TTC7B: variants seen among roughly 807,000 people sequenced by gnomAD.
The protein encoded by TTC7B is tetratricopeptide repeat protein 7B.
Under a neutral mutation model 106.8 loss-of-function variants are expected in TTC7B, and 28 were observed. That is an observed-to-expected ratio of 0.26 (90% CI 0.19 to 0.36). TTC7B has a LOEUF of 0.36. Among genes scored for constraint, TTC7B ranks in the 10% least tolerant of loss-of-function variants. The pLI, the probability that TTC7B is intolerant of heterozygous loss-of-function variation, is 1.00. For missense variants in TTC7B, 862 were observed against 1,076.4 expected, an observed-to-expected ratio of 0.80 and a Z score of 2.79; for synonymous variants, 405 against 430.6, an observed-to-expected ratio of 0.94 and a Z score of 0.74.
intron 5 of TTC7B, among the ~76,000 whole-genome samples, chr14:90,725,522 A>T (rs1039110561): frequency 6.6e-6 from 1 of 152,244 alleles, no homozygotes; most frequent in African/African-American, 2.4e-5. Context: ...AAGTAGATGC[A>T]TAGTGGTGAT....
At chr14:90,801,091 G>GT (rs34545068) in intron 1 of TTC7B, among the ~76,000 whole-genome samples, 97,406 of 151,266 alleles carry the variant, frequency 0.64, 32,241 homozygotes, top group Middle Eastern at 0.75. Flanking sequence ...TAGGCTTTGT[G>GT]GTGGACGCCT....
intron 15 of TTC7B, among the ~76,000 whole-genome samples, chr14:90,636,251 T>C (rs1170678805): frequency 3.9e-5 from 6 of 152,022 alleles, no homozygotes; most frequent in Admixed American, 2.0e-4. Flanking sequence ...TACACATATA[T>C]ATGTATGTGG....
At chr14:90,572,169 T>C (rs1891060836) in intron 19 of TTC7B, among the ~76,000 whole-genome samples, 1 of 152,204 alleles carries the variant, frequency 6.6e-6, no homozygotes, top group South Asian at 2.1e-4. Flanking sequence ...CTCTCTGCCA[T>C]ACTTCCAGCT....
chr14:90,793,078 C>T (rs1349614306), intron 1 of TTC7B, among the ~76,000 whole-genome samples: 1 of 152,100 alleles, frequency 6.6e-6, no homozygotes, highest in Non-Finnish European at 1.5e-5. Context: ...CTCACGAGAC[C>T]TGATGGTTTT....
chr14:90,784,848 G>T (rs770153677), intron 2 of TTC7B, among the ~76,000 whole-genome samples: 2 of 152,306 alleles, frequency 1.3e-5, no homozygotes, highest in Non-Finnish European at 2.9e-5. Context: ...CCTCCTAGCG[G>T]CCTGGAGCTG....
intron 13 of TTC7B, chr14:90,648,443 C>A (rs747144643): frequency 7.2e-5 from 11 of 152,532 alleles, no homozygotes; most frequent in South Asian, 3.9e-4. Flanking sequence ...CTCAACCTCC[C>A]AGGGCCCAAG....
intron 3 of TTC7B, among the ~76,000 whole-genome samples, chr14:90,755,039 C>A (rs1318990878): frequency 5.3e-5 from 8 of 152,008 alleles, no homozygotes; most frequent in Non-Finnish European, 1.0e-4. Context: ...AACTCAAAAC[C>A]TTCCTTCCTT....
At chr14:90,633,977 T>A (rs1884815862) in intron 15 of TTC7B, among the ~76,000 whole-genome samples, 1 of 151,862 alleles carries the variant, frequency 6.6e-6, no homozygotes, top group African/African-American at 2.4e-5. Flanking sequence ...CAGGTTCAAG[T>A]GATTCTCCTG....
intron 18 of TTC7B, among the ~76,000 whole-genome samples, chr14:90,589,626 A>G (rs915374306): frequency 2.0e-5 from 3 of 152,220 alleles, no homozygotes; most frequent in Admixed American, 1.3e-4. Flanking sequence ...TAGACTGTGT[A>G]TAGGGATACT....
rs140346034 is a variant in TTC7B at position 90,529,211 on chromosome 14, T to A, written c.*12157A>T. The A allele has an allele frequency of 1.5e-4, 23 of 153,342 alleles. No individual in the cohort carries two copies. The highest frequency in any genetic ancestry group is 1.4e-3 in the Admixed American group (21 of 15,298). 9.5% of individuals were successfully genotyped at this position (153,342 alleles called of 1,614,324 possible). ...ACTGCGCTTTGTTACCTCTTTCCGA[T>A]AGCGGGATCTGACTGCATTTTGCAT... On this transcript the variant is annotated 3_prime_UTR_variant, in exon 20 of 20. Coordinates refer to ENST00000328459, the MANE Select transcript of TTC7B (RefSeq NM_001010854.2).
rs764006514 is a variant in TTC7B at position 90,532,946 on chromosome 14, G to A, written c.*8422C>T. On this transcript the variant is annotated 3_prime_UTR_variant, in exon 20 of 20. Coordinates refer to ENST00000328459, the MANE Select transcript of TTC7B (RefSeq NM_001010854.2). ...TGACCTCCTGCCATGCCCGGGGGAG[G>A]AGCCATGCAGGGGTAGGGCTGGGCT... 4 of 152,280 alleles carry A rather than the reference G, an allele frequency of 2.6e-5. No homozygotes were observed. Among genetic ancestry groups the A allele is most frequent in the Non-Finnish European group, 5.9e-5 (4 of 68,116 alleles). The allele number at this position is 152,280 out of a possible 1,614,324, so 9.4% of individuals were successfully genotyped here. A position where few individuals can be genotyped will look rare whatever the true frequency, so the allele number is the denominator to read the frequency against.
At chr14:90,748,235 G>A (rs531458954) in intron 3 of TTC7B, among the ~76,000 whole-genome samples, 1 of 151,848 alleles carries the variant, frequency 6.6e-6, no homozygotes, top group East Asian at 1.9e-4. Context: ...ATCTATTTGA[G>A]TATTTTTACA....
chr14:90,781,130 G>T (rs188199398), intron 2 of TTC7B, among the ~76,000 whole-genome samples: 2 of 152,298 alleles, frequency 1.3e-5, no homozygotes, highest in Non-Finnish European at 2.9e-5. Context: ...CTCAGTTGTA[G>T]TAAAGAATGA....
At position 90,611,467 on chromosome 14, in the gene TTC7B, G is replaced by C. The variant is rs545971548; in HGVS notation, c.1869-628C>G. ...GATCACAGTCATGCACTCATTCTGG[G>C]GTCCCCAGAATGTAGGCCTTTGTGC... is the stretch of plus-strand genomic sequence containing the variant. On this transcript the variant is annotated intron_variant, in intron 16 of 19. Coordinates refer to ENST00000328459, the MANE Select transcript of TTC7B (RefSeq NM_001010854.2). 2.6e-5 allele frequency among the ~76,000 whole-genome samples: 4 copies of C among 152,210 alleles called. No individual in the cohort carries two copies. In the South Asian group the frequency reaches 8.3e-4, roughly 32 times the overall value.
At chr14:90,786,597 G>T (rs556988566) in intron 1 of TTC7B, among the ~76,000 whole-genome samples, 92 of 148,824 alleles carry the variant, frequency 6.2e-4, no homozygotes, top group Non-Finnish European at 1.1e-3. Context: ...TTTTTTTTTT[G>T]AGATGGAGTT....
chr14:90,770,138 G>C (rs1327571494), intron 3 of TTC7B, among the ~76,000 whole-genome samples: 1 of 151,854 alleles, frequency 6.6e-6, no homozygotes, highest in African/African-American at 2.4e-5. Context: ...GACAGAATGA[G>C]ACTCCATCTC....
At chr14:90,724,171 C>T (rs1595320645) in intron 5 of TTC7B, among the ~76,000 whole-genome samples, 1 of 152,202 alleles carries the variant, frequency 6.6e-6, no homozygotes, top group African/African-American at 2.4e-5. Flanking sequence ...TCACATGGCC[C>T]TTCCAGCAGA....
intron 19 of TTC7B, among the ~76,000 whole-genome samples, chr14:90,553,639 C>T (rs1347076524): frequency 2.6e-5 from 4 of 152,228 alleles, no homozygotes; most frequent in Admixed American, 6.5e-5. Context: ...GGAAAAGCCC[C>T]GTTCTCTTTC....
intron 19 of TTC7B, among the ~76,000 whole-genome samples, chr14:90,561,836 G>A (rs1890600684): frequency 6.6e-6 from 1 of 152,244 alleles, no homozygotes; most frequent in South Asian, 2.1e-4. Context: ...TGTGGAAACA[G>A]GAGGGTTGGC....
Sources: gnomAD v4.1 joint callset for allele counts (sites outside exome capture counted in the v4.1 genomes callset) on GRCh38, gnomAD v4.1.1 for gene constraint, MANE v1.5 for transcripts, NCBI Gene and HGNC (gene_info 2026-07-23, HGNC 2026-07-21) for gene names.